ZNF385B: variants seen among roughly 807,000 people sequenced by gnomAD.
ZNF385B encodes the protein zinc finger protein 385B.
ZNF385B carries 23 observed loss-of-function variants against 39.2 expected under a neutral mutation model. The observed-to-expected ratio is 0.59, with a 90% CI of 0.42 to 0.83. The LOEUF is 0.83. Among genes scored for constraint, ZNF385B ranks in the 40% least tolerant of loss-of-function variants. ZNF385B has a pLI of 0.00. For synonymous variants in ZNF385B, 205 were observed against 222.6 expected (o/e 0.92, Z 0.70); for missense variants, 552 against 598.9 (o/e 0.92, Z 0.82).
At chr2:179,669,940 T>C (rs756566572) in intron 3 of ZNF385B, among the ~76,000 whole-genome samples, 15 of 152,130 alleles carry the variant, frequency 9.9e-5, no homozygotes, top group Non-Finnish European at 2.1e-4. Flanking sequence ...TGGTGGTACA[T>C]GTTGAGCAAC....
chr2:179,544,517 T>C (rs1042344144), intron 4 of ZNF385B, among the ~76,000 whole-genome samples: 13 of 152,140 alleles, frequency 8.5e-5, no homozygotes, highest in Admixed American at 8.5e-4. Flanking sequence ...TTCCTGAGCA[T>C]GTGAATAACA....
intron 1 of ZNF385B, among the ~76,000 whole-genome samples, chr2:179,783,049 A>G (rs866371958): frequency 5.2e-4 from 79 of 152,328 alleles, no homozygotes; most frequent in African/African-American, 1.8e-3. Context: ...AAAAGAGCAA[A>G]GCTGGAAGCA....
intron 3 of ZNF385B, among the ~76,000 whole-genome samples, chr2:179,693,099 G>C (rs2106347466): frequency 6.6e-6 from 1 of 152,312 alleles, no homozygotes; most frequent in South Asian, 2.1e-4. Context: ...AACAACTCTA[G>C]TCAGGCACAA....
chr2:179,591,619 C>A (rs1687570284), intron 3 of ZNF385B, among the ~76,000 whole-genome samples: 1 of 152,168 alleles, frequency 6.6e-6, no homozygotes, highest in Non-Finnish European at 1.5e-5. Flanking sequence ...CAAATGGTGA[C>A]CTCAGTACTT....
At chr2:179,537,313 A>T (rs542808477) in intron 4 of ZNF385B, among the ~76,000 whole-genome samples, 1,442 of 142,570 alleles carry the variant, frequency 0.01, 19 homozygotes, top group African/African-American at 0.023. Context: ...CAAAAAAAAA[A>T]AAATAAATAA....
At chr2:179,496,167 G>A (rs368488293) in intron 5 of ZNF385B, among the ~76,000 whole-genome samples, 9 of 152,234 alleles carry the variant, frequency 5.9e-5, no homozygotes, top group African/African-American at 2.2e-4. Flanking sequence ...CAGAAATTCT[G>A]GAGCTGAAAA....
intron 4 of ZNF385B, among the ~76,000 whole-genome samples, chr2:179,538,809 T>C (rs1227863764): frequency 1.3e-5 from 2 of 152,246 alleles, no homozygotes; most frequent in Non-Finnish European, 2.9e-5. Context: ...GTGACTGCCC[T>C]TGTACTTGTG....
chr2:179,493,590 T>C (rs564937947), intron 5 of ZNF385B, among the ~76,000 whole-genome samples: 9 of 140,710 alleles, frequency 6.4e-5, no homozygotes, highest in African/African-American at 2.1e-4. Context: ...TATGTGTACA[T>C]ATATGCGTAT....
intron 1 of ZNF385B, among the ~76,000 whole-genome samples, chr2:179,783,093 C>T (rs1228072649): frequency 6.6e-6 from 1 of 152,108 alleles, no homozygotes; most frequent in African/African-American, 2.4e-5. Context: ...TCCTACAGGA[C>T]TACAGTAACC....
chr2:179,839,741 AGAAGGGGT>A (rs1447716227), intron 1 of ZNF385B, among the ~76,000 whole-genome samples: 20 of 152,328 alleles, frequency 1.3e-4, no homozygotes, highest in Middle Eastern at 3.4e-3. Flanking sequence ...CAAGGACTAA[AGAAGGGGT>A]GTTTTACCAC....
chr2:179,681,348 T>C (rs1180422937), intron 3 of ZNF385B, among the ~76,000 whole-genome samples: 1 of 152,186 alleles, frequency 6.6e-6, no homozygotes, highest in Non-Finnish European at 1.5e-5. Flanking sequence ...AGCTGAATCA[T>C]GGTAGCATAA....
chr2:179,493,385 A>C, intron 5 of ZNF385B, among the ~76,000 whole-genome samples: 1 of 151,698 alleles, frequency 6.6e-6, no homozygotes. Context: ...GCGCGCGCAC[A>C]TATATGTATG....
intron 4 of ZNF385B, among the ~76,000 whole-genome samples, chr2:179,525,711 T>C (rs977153972): frequency 1.3e-5 from 2 of 152,196 alleles, no homozygotes; most frequent in Non-Finnish European, 2.9e-5. Flanking sequence ...TTTTTATCCC[T>C]TCCTTCTTGA....
chr2:179,852,294 G>T (rs1684240157), intron 1 of ZNF385B, among the ~76,000 whole-genome samples: 1 of 152,214 alleles, frequency 6.6e-6, no homozygotes, highest in Admixed American at 6.5e-5. Context: ...CTGCAGACTT[G>T]CAAGGGGAGA....
chr2:179,592,189 G>T (rs543354665), intron 3 of ZNF385B, among the ~76,000 whole-genome samples: 131 of 152,142 alleles, frequency 8.6e-4, no homozygotes, highest in African/African-American at 3.1e-3. Context: ...CTGTCTTCCA[G>T]AAAACACGTT....
chr2:179,614,262 G>A (rs3112969), intron 3 of ZNF385B, among the ~76,000 whole-genome samples: 22,019 of 152,068 alleles, frequency 0.14, 2,014 homozygotes, highest in African/African-American at 0.25. Flanking sequence ...TGTGGGGAGA[G>A]CAACTGACGA....
intron 3 of ZNF385B, among the ~76,000 whole-genome samples, chr2:179,719,698 C>T (rs1559127800): frequency 6.6e-6 from 1 of 152,224 alleles, no homozygotes; most frequent in Non-Finnish European, 1.5e-5. Context: ...ATGATTGCAT[C>T]AAATACATCT....
chr2:179,542,921 A>G (rs2060009469), intron 4 of ZNF385B, among the ~76,000 whole-genome samples: 1 of 152,178 alleles, frequency 6.6e-6, no homozygotes, highest in South Asian at 2.1e-4. Flanking sequence ...CTCAAATGCT[A>G]AAGTTTTATT....
In ZNF385B at chr2:179,805,409, G is replaced by C. The variant is rs1330176309; in HGVS notation, c.-154-34737C>G. Among the ~76,000 whole-genome samples, 2 of 152,196 alleles carry C rather than the reference G, an allele frequency of 1.3e-5. 1 individual carries two copies. The highest frequency in any genetic ancestry group is 6.3e-3 in the Middle Eastern group (2 of 316). ...TTGTGGTTTTAAGCCACTAAGTTTTGGGTTGTTATAGCAAGATGAAACCAA... is the reference window on the plus strand; with the variant it reads ...TTGTGGTTTTAAGCCACTAAGTTTTCGGTTGTTATAGCAAGATGAAACCAA... On this transcript the variant is annotated intron_variant, in intron 1 of 9. Coordinates refer to ENST00000410066, the MANE Select transcript of ZNF385B (RefSeq NM_152520.6).
Sources: gnomAD v4.1 joint callset for allele counts (sites outside exome capture counted in the v4.1 genomes callset) on GRCh38, gnomAD v4.1.1 for gene constraint, MANE v1.5 for transcripts, NCBI Gene and HGNC (gene_info 2026-07-23, HGNC 2026-07-21) for gene names.